The following DPYD variants were observed in gnomAD, a reference collection of about 807,000 sequenced individuals.
The protein encoded by DPYD is dihydropyrimidine dehydrogenase, also known as dihydropyrimidine dehydrogenase [NADP(+)].
Under a neutral mutation model 116.2 loss-of-function variants are expected in DPYD, and 109 were observed. The observed-to-expected ratio is 0.94, with a 90% CI of 0.80 to 1.10. The LOEUF (loss-of-function observed/expected upper bound fraction) is 1.10. Ranked by LOEUF, DPYD falls within the 50% of genes least tolerant of loss-of-function variation. The probability of loss-of-function intolerance (pLI) is 0.00; values close to 1 mark genes in which losing one functional copy is unlikely to be tolerated. For missense variants in DPYD, 1,302 were observed against 1,254.5 expected (o/e 1.04, Z -0.57); for synonymous variants, 440 against 432.0 (o/e 1.02, Z -0.23).
intron 7 of DPYD, among the ~76,000 whole-genome samples, chr1:97,690,162 C>T (rs887149286): frequency 7.2e-5 from 11 of 152,006 alleles, no homozygotes; most frequent in Non-Finnish European, 1.3e-4. Context: ...ATATTAGTAG[C>T]ATACTTTTTA....
rs997346190 is a variant in DPYD, at chr1:97,188,213, T to C, written c.2622+4856A>G. 2.6e-5 allele frequency among the ~76,000 whole-genome samples: 4 copies of C among 152,166 alleles called. No homozygotes were observed. In the South Asian group the frequency reaches 6.2e-4, roughly 24 times the overall value. ...CATGACAGAATTTCTGATTTTATCC[T>C]AATGAGAGCCTTTTAATGAGCACAG... On this transcript the variant is annotated intron_variant, in intron 20 of 22. Transcript: ENST00000370192.
chr1:97,879,920 G>A (rs182501550), intron 2 of DPYD, among the ~76,000 whole-genome samples: 177 of 151,776 alleles, frequency 1.2e-3, no homozygotes, highest in Non-Finnish European at 1.5e-3. Flanking sequence ...TAGTAAGAGA[G>A]GACTATATAA....
chr1:97,646,978 T>C (rs570659387), intron 8 of DPYD, among the ~76,000 whole-genome samples: 1 of 152,206 alleles, frequency 6.6e-6, no homozygotes, highest in African/African-American at 2.4e-5. Context: ...ACCCATCCAT[T>C]TAAAGAAGAA....
rs143970559 is a variant in DPYD at position 97,388,875 on chromosome 1, G to C, written c.1906-6414C>G. Among the ~76,000 whole-genome samples the C allele has an allele frequency of 2.9e-3, 440 of 152,204 alleles. 17 individuals carry two copies. Among genetic ancestry groups the C allele is most frequent in the Admixed American group, 0.027 (417 of 15,266 alleles). The stretch of plus-strand genomic sequence containing the variant: ...GAGAAAGAAGCTCTTGAGAAGGGAA[G>C]AGGGGATGATGAATCGAGAGTACAA... On this transcript the variant is annotated intron_variant, in intron 14 of 22. Transcript: ENST00000370192.
At chr1:97,168,250 C>G (rs1656465631) in intron 20 of DPYD, among the ~76,000 whole-genome samples, 1 of 152,178 alleles carries the variant, frequency 6.6e-6, no homozygotes, top group African/African-American at 2.4e-5. Flanking sequence ...GGCTATCATA[C>G]TCAGCTGTCA....
In DPYD at chr1:97,234,893, T is replaced by C. The variant is rs1281999671; in HGVS notation, c.2401A>G (p.Ser801Gly). ...CCACTATGGAGAAACTGAAGACCAC[T>C]TTCAGCAGAGTCAATTCCACCAGTA... Reference protein sequence around the residue: ...LATGGIDSAESGLQFLHSGAS... With the variant: ...LATGGIDSAEGGLQFLHSGAS... The change falls in exon 19 of 23, where the codon AGT becomes GGT. Residue 801 changes from serine to glycine, a missense_variant. Transcript: ENST00000370192. 4 of 1,613,914 alleles carry C rather than the reference T, an allele frequency of 2.5e-6. No individual in the cohort carries two copies. The South Asian group carries it at 4.4e-5, about 18-fold the overall frequency.
intron 20 of DPYD, among the ~76,000 whole-genome samples, chr1:97,158,523 A>ACACACACACACT (rs956515247): frequency 3.4e-5 from 5 of 145,276 alleles, no homozygotes; most frequent in East Asian, 2.1e-4. Flanking sequence ...ACACACACAC[A>ACACACACACACT]CTCTATCCAA....
At chr1:97,136,852 A>C (rs1653843879) in intron 20 of DPYD, among the ~76,000 whole-genome samples, 1 of 152,194 alleles carries the variant, frequency 6.6e-6, no homozygotes, top group African/African-American at 2.4e-5. Flanking sequence ...GTTTTTTTCA[A>C]TGCCATCCTT....
At chr1:97,720,895 T>C in intron 5 of DPYD, 1 of 1,609,762 alleles carries the variant, frequency 6.2e-7, no homozygotes, top group Non-Finnish European at 8.5e-7. Flanking sequence ...TCTTTACAAA[T>C]GATTCATTAA....
At chr1:97,110,186 T>G (rs1397901997) in intron 20 of DPYD, among the ~76,000 whole-genome samples, 1 of 152,160 alleles carries the variant, frequency 6.6e-6, no homozygotes, top group Non-Finnish European at 1.5e-5. Context: ...GAAAGACTCC[T>G]TCTTTCAGAT....
At chr1:97,399,306 A>G (rs1673211741) in intron 14 of DPYD, among the ~76,000 whole-genome samples, 1 of 152,028 alleles carries the variant, frequency 6.6e-6, no homozygotes, top group South Asian at 2.1e-4. Context: ...ATTGGTCTAT[A>G]TCTCTTTTGT....
Position 97,513,848 on chromosome 1 carries a change from T to C in DPYD, c.1740+1878A>G, listed in dbSNP as rs79394036. 5.4e-4 allele frequency among the ~76,000 whole-genome samples: 82 copies of C among 151,970 alleles called. No homozygotes were observed. In the Middle Eastern group the frequency reaches 0.017, roughly 32 times the overall value. On this transcript the variant is annotated intron_variant, in intron 13 of 22. Coordinates refer to ENST00000370192, the MANE Select transcript of DPYD (RefSeq NM_000110.4). Reference sequence around the variant, plus strand: ...GAACCAGATAAGGAAACAAAAAAAGTAGACCTCTATGAGGCAAACGGACTA... The same window carrying C: ...GAACCAGATAAGGAAACAAAAAAAGCAGACCTCTATGAGGCAAACGGACTA...
intron 21 of DPYD, among the ~76,000 whole-genome samples, chr1:97,092,822 A>C (rs1649982676): frequency 6.9e-6 from 1 of 144,094 alleles, no homozygotes; most frequent in African/African-American, 2.5e-5. Context: ...ACCATAAAAA[A>C]GCTGGACATC....
intron 1 of DPYD, among the ~76,000 whole-genome samples, chr1:97,904,117 C>T (rs144837749): frequency 4.6e-5 from 7 of 152,004 alleles, no homozygotes; most frequent in Middle Eastern, 3.4e-3. Context: ...CCATCCCTCC[C>T]CTAACTCCCA....
At chr1:97,217,487 T>A (rs1490199885) in intron 19 of DPYD, among the ~76,000 whole-genome samples, 1 of 152,204 alleles carries the variant, frequency 6.6e-6, no homozygotes, top group Non-Finnish European at 1.5e-5. Context: ...GATTTCTAAG[T>A]GTTTTCAGGC....
chr1:97,806,128 A>C (rs1343279320), intron 3 of DPYD, among the ~76,000 whole-genome samples: 1 of 151,950 alleles, frequency 6.6e-6, no homozygotes, highest in Admixed American at 6.6e-5. Context: ...CAACAATTGC[A>C]GAATAAACAT....
intron 20 of DPYD, among the ~76,000 whole-genome samples, chr1:97,184,083 TA>T (rs1361769816): frequency 2.0e-5 from 3 of 152,060 alleles, no homozygotes; most frequent in Non-Finnish European, 4.4e-5. Flanking sequence ...CATGTTTCCA[TA>T]AAAGACACAT....
chr1:97,664,062 G>A (rs1013456821), intron 8 of DPYD, among the ~76,000 whole-genome samples: 3 of 152,040 alleles, frequency 2.0e-5, no homozygotes, highest in Admixed American at 6.6e-5. Flanking sequence ...TTGATAACAA[G>A]GTCACATTAA....
chr1:97,099,924 A>G (rs1650542499), intron 20 of DPYD, among the ~76,000 whole-genome samples: 1 of 152,122 alleles, frequency 6.6e-6, no homozygotes, highest in Non-Finnish European at 1.5e-5. Context: ...CTTATGTAGA[A>G]ATATCTAAGA....
Sources: allele counts gnomAD v4.1 joint callset (sites outside exome capture counted in the v4.1 genomes callset), GRCh38; gene constraint gnomAD v4.1.1; transcripts MANE v1.5; gene names NCBI Gene and HGNC (gene_info 2026-07-23, HGNC 2026-07-21).